Variants in C4orf51 observed in about 807,000 individuals in gnomAD.
The protein encoded by C4orf51 is chromosome 4 open reading frame 51, also known as uncharacterized protein C4orf51.
Under a neutral mutation model 25.2 loss-of-function variants are expected in C4orf51, and 25 were observed. The ratio of observed to expected loss-of-function variants is 0.99; its 90% CI spans 0.72 to 1.39. The LOEUF (loss-of-function observed/expected upper bound fraction) is 1.39. Ranked by LOEUF, C4orf51 falls within the 40% of genes most tolerant of loss-of-function variation. C4orf51 has a pLI of 0.00. For synonymous variants in C4orf51, 100 were observed against 84.5 expected (o/e 1.18, Z -1.01); for missense variants, 252 against 239.6 (o/e 1.05, Z -0.34).
At chr4:145,790,387 T>C in the C4orf51 span, among the ~76,000 whole-genome samples, 1 of 152,174 alleles carries the variant, frequency 6.6e-6, no homozygotes, top group Non-Finnish European at 1.5e-5. Context: ...TTAATGATTC[T>C]AAAATACTCT....
chr4:145,779,798 C>T, the C4orf51 span, among the ~76,000 whole-genome samples: 2 of 152,174 alleles, frequency 1.3e-5, no homozygotes, highest in African/African-American at 4.8e-5. Flanking sequence ...AGCACTGTGC[C>T]CAGTATACAG....
the C4orf51 span, among the ~76,000 whole-genome samples, chr4:145,787,672 C>A: frequency 7.8e-4 from 118 of 152,062 alleles, 1 homozygote; most frequent in African/African-American, 2.4e-3. Flanking sequence ...AATATGAAAC[C>A]TGTCAAGCAT....
chr4:145,710,859 T>C (rs1033238815), intron 2 of C4orf51, among the ~76,000 whole-genome samples: 36 of 152,124 alleles, frequency 2.4e-4, no homozygotes, highest in African/African-American at 8.5e-4. Context: ...CTACCTACTG[T>C]GACAGTTTGA....
At chr4:145,726,481 A>T (rs979764827) in intron 2 of C4orf51, among the ~76,000 whole-genome samples, 2 of 152,158 alleles carry the variant, frequency 1.3e-5, no homozygotes, top group Non-Finnish European at 2.9e-5. Flanking sequence ...GGCTCACTGC[A>T]TCTTCCACTT....
At chr4:145,758,615 C>T (rs1032147576), downstream of C4orf51, 1 of 152,302 alleles carries the variant, frequency 6.6e-6, no homozygotes, top group African/African-American at 2.4e-5. Context: ...AACCAACCCA[C>T]CCATAAGCCC....
At chr4:145,775,302 T>C (rs968212500), downstream of C4orf51, among the ~76,000 whole-genome samples, 6 of 152,188 alleles carry the variant, frequency 3.9e-5, no homozygotes, top group African/African-American at 1.4e-4. Context: ...AAACCAATAT[T>C]GATTCATGAT....
intron 3 of C4orf51, among the ~76,000 whole-genome samples, chr4:145,727,519 A>G (rs1732128287): frequency 1.3e-5 from 2 of 152,054 alleles, no homozygotes; most frequent in African/African-American, 2.4e-5. Flanking sequence ...AATCAACATA[A>G]TTATTTGTTA....
chr4:145,777,536 G>A, the C4orf51 span, among the ~76,000 whole-genome samples: 1 of 152,096 alleles, frequency 6.6e-6, no homozygotes, highest in Non-Finnish European at 1.5e-5. Flanking sequence ...CTGTTTAAAT[G>A]ATCTATGTCA....
chr4:145,781,195 C>CAA, the C4orf51 span, among the ~76,000 whole-genome samples: 45 of 56,536 alleles, frequency 8.0e-4, 1 homozygote, highest in Non-Finnish European at 9.0e-4. Flanking sequence ...GACACCATCT[C>CAA]AAAAAAAAAA....
intron 1 of C4orf51, among the ~76,000 whole-genome samples, chr4:145,768,757 G>C (rs57471090): frequency 0.046 from 6,681 of 145,284 alleles, 494 homozygotes; most frequent in African/African-American, 0.16. Flanking sequence ...ACTTGGGAGG[G>C]TGAGGCAGGA....
intron 1 of C4orf51, among the ~76,000 whole-genome samples, chr4:145,686,759 A>G (rs558068410): frequency 6.6e-6 from 1 of 152,340 alleles, no homozygotes; most frequent in East Asian, 1.9e-4. Context: ...CATGAAAATG[A>G]TAAGTTCTTT....
chr4:145,747,237 T>A (rs2126803731), intron 1 of C4orf51, among the ~76,000 whole-genome samples: 1 of 152,244 alleles, frequency 6.6e-6, no homozygotes, highest in Admixed American at 6.5e-5. Flanking sequence ...CTATGTTGAA[T>A]AACAGTGGTA....
chr4:145,703,588 G>A (rs1730606823), intron 2 of C4orf51, among the ~76,000 whole-genome samples: 1 of 152,106 alleles, frequency 6.6e-6, no homozygotes, highest in Non-Finnish European at 1.5e-5. Flanking sequence ...TTCCTTTCCT[G>A]TGTAGAAAGT....
At chr4:145,705,846 G>T (rs1049534813) in intron 2 of C4orf51, among the ~76,000 whole-genome samples, 1 of 152,186 alleles carries the variant, frequency 6.6e-6, no homozygotes. Flanking sequence ...AAATAAGGGG[G>T]TGATGATAGC....
At chr4:145,787,187 G>A in the C4orf51 span, among the ~76,000 whole-genome samples, 7 of 152,274 alleles carry the variant, frequency 4.6e-5, no homozygotes, top group South Asian at 6.2e-4. Context: ...TTTGTCGGCC[G>A]GGCGCAGTGG....
intron 2 of C4orf51, among the ~76,000 whole-genome samples, chr4:145,713,375 G>A (rs1282674005): frequency 1.3e-5 from 2 of 152,304 alleles, no homozygotes; most frequent in East Asian, 3.9e-4. Context: ...TTAATAGAAG[G>A]AGGTCAAAAT....
At chr4:145,696,058 T>C (rs1049296675) in intron 1 of C4orf51, among the ~76,000 whole-genome samples, 2 of 151,880 alleles carry the variant, frequency 1.3e-5, no homozygotes, top group East Asian at 1.9e-4. Flanking sequence ...GGTGAAGAGA[T>C]TGAGATCATC....
At chr4:145,756,809 G>C (rs765397840), downstream of C4orf51, among the ~76,000 whole-genome samples, 1 of 152,176 alleles carries the variant, frequency 6.6e-6, no homozygotes, top group Non-Finnish European at 1.5e-5. Context: ...AGAGAAAATA[G>C]TGTCTAATTA....
chr4:145,681,904 A>G (rs1728862943), intron 1 of C4orf51, among the ~76,000 whole-genome samples: 1 of 152,190 alleles, frequency 6.6e-6, no homozygotes, highest in Admixed American at 6.6e-5. Context: ...TTTCTAACAC[A>G]TGAACTTTTG....
Sources: gnomAD v4.1 joint callset for allele counts (sites outside exome capture counted in the v4.1 genomes callset) on GRCh38, gnomAD v4.1.1 for gene constraint, MANE v1.5 for transcripts, NCBI Gene and HGNC (gene_info 2026-07-23, HGNC 2026-07-21) for gene names.